Variants in NDEL1 observed in about 807,000 individuals in gnomAD.
NDEL1 encodes the protein nuclear distribution protein nudE-like 1.
A neutral mutation model predicts 45.7 loss-of-function variants in NDEL1; 9 were observed. That is an observed-to-expected ratio of 0.20 (90% CI 0.12 to 0.34). The LOEUF (loss-of-function observed/expected upper bound fraction) is 0.34. NDEL1 is among the 10% of genes least tolerant of loss of function. The pLI is 1.00. For missense variants in NDEL1, 306 were observed against 406.2 expected (o/e 0.75, Z 2.12); for synonymous variants, 133 against 158.6 (o/e 0.84, Z 1.21).
chr17:8,432,347 A>AATATATATATATATATTAT, upstream of NDEL1, among the ~76,000 whole-genome samples: 167 of 58,286 alleles, frequency 2.9e-3, 2 homozygotes, highest in African/African-American at 7.3e-3. Flanking sequence ...ATTATATATA[A>AATATATATATATATATTAT]ATATAAATAT....
Position 8,450,948 on chromosome 17 carries a change from C to T in NDEL1, c.695C>T (p.Pro232Leu), listed in dbSNP as rs144719475. The T allele has an allele frequency of 1.3e-4, 213 of 1,607,722 alleles. No homozygotes were observed. Among genetic ancestry groups the T allele is most frequent in the East Asian group, 3.6e-4 (16 of 44,622 alleles). Residue 232 changes from proline (P) to leucine (L), a missense_variant, in exon 6 of 9, where the codon CCG becomes CTG. Physicochemically the swap from Pro to Leu is moderately conservative, Grantham distance 98 (BLOSUM62 -3). Coordinates refer to ENST00000334527, the MANE Select transcript of NDEL1 (RefSeq NM_030808.5). ...GGAACGGAGAACACTTTTCCTTCAC[C>T]GAAAGGTTTGTAATGTCTTTTCTTT... ...GKGTENTFPS[P>L]KAIPNGFGTS...
intron 4 of NDEL1, 109 bp from the exon 5 acceptor site, chr17:8,448,441 A>C: frequency 1.7e-6 from 2 of 1,188,216 alleles, no homozygotes; most frequent in Non-Finnish European, 2.4e-6. Flanking sequence ...GATTGGGGCC[A>C]GGCTGGCTAG....
chr17:8,420,631 AAC>A (rs1275841147), intron 1 of NDEL1, among the ~76,000 whole-genome samples: 1 of 152,270 alleles, frequency 6.6e-6, no homozygotes, highest in Non-Finnish European at 1.5e-5. Context: ...GCTGCTGTTT[AAC>A]ACAGATAAGT....
intron 8 of NDEL1, chr17:8,463,482 A>G (rs1911365146): frequency 1.3e-6 from 1 of 767,686 alleles, no homozygotes; most frequent in South Asian, 1.8e-5. Context: ...CTTACAGCCC[A>G]TCAGTGAACT....
chr17:8,449,103 C>T (rs1280561680), intron 5 of NDEL1, among the ~76,000 whole-genome samples: 1 of 152,158 alleles, frequency 6.6e-6, no homozygotes, highest in Non-Finnish European at 1.5e-5. Flanking sequence ...CTGCCTCAGC[C>T]TCTCGAGTAG....
intron 8 of NDEL1, among the ~76,000 whole-genome samples, chr17:8,462,162 C>T (rs1329224752): frequency 2.0e-5 from 3 of 151,846 alleles, no homozygotes; most frequent in African/African-American, 7.3e-5. Flanking sequence ...ACTTCCTGAG[C>T]TGAACCCGGA....
In NDEL1 at chr17:8,424,306, G is replaced by A. The variant is rs1203935494; in HGVS notation, c.-13+11037G>A. Among the ~76,000 whole-genome samples, 3 of 152,240 alleles carry A rather than the reference G, an allele frequency of 2.0e-5. No individual in the cohort carries two copies. In the East Asian group the frequency reaches 5.8e-4, roughly 29 times the overall value. On this transcript the variant is annotated intron_variant, in intron 1 of 4. Transcript: ENST00000582812. ...GTTACCATTTGGTTACTATTATATT[G>A]TGTAGCTATTACATCATTCCACTTC...
In NDEL1 at chr17:8,466,989, C is replaced by T. The variant is rs768937975; in HGVS notation, c.1004C>T (p.Ser335Leu). 24 of 1,614,080 alleles carry T rather than the reference C, an allele frequency of 1.5e-5. No individual in the cohort carries two copies. The highest frequency in any genetic ancestry group is 3.3e-5 in the South Asian group (3 of 91,086). The change falls in exon 9 of 9, where the codon TCG becomes TTG. Residue 335 changes from serine (S) to leucine (L), a missense_variant. Physicochemically the swap from Ser to Leu is moderately radical, Grantham distance 145. Around this residue, in one of 3 missense-constraint regions of NDEL1, gnomAD observed 175 missense variants for 205.2 expected, o/e 0.85. Coordinates refer to ENST00000334527, the MANE Select transcript of NDEL1 (RefSeq NM_030808.5). ...PPPGLGSSRP[S>L]SAPGMLPLSV is the part of the protein sequence containing the mutation. ...CCTGGTCTGGGCTCCTCGCGTCCAT[C>T]GTCAGCGCCGGGTATGCTGCCTCTC...
chr17:8,425,371 T>C (rs1418935135), intron 1 of NDEL1, among the ~76,000 whole-genome samples: 2 of 152,314 alleles, frequency 1.3e-5, no homozygotes, highest in Non-Finnish European at 2.9e-5. Flanking sequence ...CGCTTGAGCC[T>C]AGGAGTTTGA....
rs534726764 is a variant in NDEL1, at chr17:8,443,767, G to C, written c.-12-493G>C. Among the ~76,000 whole-genome samples, 14 of 152,230 alleles carry C rather than the reference G, an allele frequency of 9.2e-5. No homozygotes were observed. The South Asian group carries it at 2.9e-3, about 32-fold the overall frequency. On this transcript the variant is annotated intron_variant, in intron 1 of 8. Coordinates refer to ENST00000334527, the MANE Select transcript of NDEL1 (RefSeq NM_030808.5). ...GGAGGTTTTTAGAGATTTGATAATA[G>C]TAAATTATTGGGAATGTGGTGCCTG...
downstream of NDEL1, among the ~76,000 whole-genome samples, chr17:8,470,084 T>A (rs1402269488): frequency 6.6e-6 from 1 of 152,024 alleles, no homozygotes; most frequent in Non-Finnish European, 1.5e-5. The surrounding 1 kb of genome is among the most constrained non-coding windows in gnomAD (Gnocchi z 4.2). Context: ...ACTCCCTGGC[T>A]CATCTCCCGC....
rs1218315492 is a variant in NDEL1 at position 8,426,341 on chromosome 17, A to G, written c.-13+13072A>G. Among the ~76,000 whole-genome samples, 3 of 152,220 alleles carry G rather than the reference A, an allele frequency of 2.0e-5. No individual in the cohort carries two copies. In the East Asian group the frequency reaches 5.8e-4, roughly 29 times the overall value. ...AATTGCTTAATAAGCTTAGACTGGT[A>G]AGAAACACTCCATTTCTTTTCAGCC... is the stretch of plus-strand genomic sequence containing the variant. On this transcript the variant is annotated intron_variant, in intron 1 of 4. Coordinates refer to the NDEL1 transcript ENST00000582812.
In NDEL1 at chr17:8,435,937, C is replaced by T. The variant is rs992018242; in HGVS notation, c.-121C>T. 1.3e-5 allele frequency: 6 copies of T among 448,584 alleles called. No individual in the cohort carries two copies. Among genetic ancestry groups the T allele is most frequent in the Admixed American group, 2.4e-5 (1 of 42,056 alleles). The allele number at this position is 448,584 out of a possible 1,614,324, so 27.8% of individuals were successfully genotyped here. A position where few individuals can be genotyped will look rare whatever the true frequency, so the allele number is the denominator to read the frequency against. On this transcript the variant is annotated 5_prime_UTR_variant, in exon 1 of 9. Transcript: ENST00000334527. ...GCGCGGAGGTACGCTGAGTGGAGCT[C>T]GGGGCTGCGTAGGGGAGCTGAGCCG... is the stretch of plus-strand genomic sequence containing the variant.
At chr17:8,436,273 A>G in intron 1 of NDEL1, 1 of 180,664 alleles carries the variant, frequency 5.5e-6, no homozygotes, top group South Asian at 8.8e-5. Context: ...CTGCAAGGGA[A>G]CGATTCCGGT....
chr17:8,457,340 C>T (rs1486246233), intron 7 of NDEL1, among the ~76,000 whole-genome samples: 1 of 152,178 alleles, frequency 6.6e-6, no homozygotes, highest in Non-Finnish European at 1.5e-5. Flanking sequence ...ACGTTGTTGT[C>T]TGTCTTTGTT....
upstream of NDEL1, among the ~76,000 whole-genome samples, chr17:8,432,931 C>T (rs1312814365): frequency 1.3e-5 from 2 of 152,038 alleles, no homozygotes; most frequent in Admixed American, 6.5e-5. Flanking sequence ...ATTCTTTAGC[C>T]CTCCAGAAAG....
intron 1 of NDEL1, among the ~76,000 whole-genome samples, chr17:8,415,355 T>C (rs1908522399): frequency 1.3e-5 from 2 of 152,216 alleles, no homozygotes; most frequent in East Asian, 1.9e-4. Flanking sequence ...ATTTTTTGCA[T>C]TTTTTTAGAG....
intron 3 of NDEL1, chr17:8,474,122 C>A: frequency 6.6e-6 from 1 of 152,580 alleles, no homozygotes; most frequent in Non-Finnish European, 1.5e-5. Flanking sequence ...GGGCCTGGCG[C>A]CATCATTTGA....
At chr17:8,435,392 C>T (rs141653913), upstream of NDEL1, among the ~76,000 whole-genome samples, 11 of 152,282 alleles carry the variant, frequency 7.2e-5, no homozygotes, top group African/African-American at 2.6e-4. Context: ...TAGAATTCTA[C>T]TGGAGGAAGA....
Sources: gnomAD v4.1 joint callset for allele counts (sites outside exome capture counted in the v4.1 genomes callset) on GRCh38, gnomAD v4.1.1 for gene constraint, gnomAD v4.1.1 regional missense constraint, Gnocchi (gnomAD v3.1) non-coding constraint, MANE v1.5 for transcripts, NCBI Gene and HGNC (gene_info 2026-07-23, HGNC 2026-07-21) for gene names.